Variants in DLGAP2 observed in about 807,000 individuals in gnomAD.
The protein encoded by DLGAP2 is DLG associated protein 2.
DLGAP2 carries 26 observed loss-of-function variants against 100.3 expected under a neutral mutation model. The ratio of observed to expected loss-of-function variants is 0.26; its 90% CI spans 0.19 to 0.36. The LOEUF (loss-of-function observed/expected upper bound fraction) is 0.36, where lower values mean the gene tolerates loss of function less well. DLGAP2 is among the 10% of genes least tolerant of loss of function. The pLI is 1.00. For synonymous variants in DLGAP2, 886 were observed against 630.1 expected (o/e 1.41, Z -6.08); for missense variants, 1,858 against 1,453.2 (o/e 1.28, Z -4.53).
intron 4 of DLGAP2, among the ~76,000 whole-genome samples, chr8:1,536,184 G>A (rs1001091535): frequency 6.6e-6 from 1 of 152,134 alleles, no homozygotes; most frequent in African/African-American, 2.4e-5. Context: ...AGAAGCCAGG[G>A]CACCGTGGTT....
chr8:1,356,196 G>A (rs1801846681), intron 3 of DLGAP2, among the ~76,000 whole-genome samples: 1 of 152,182 alleles, frequency 6.6e-6, no homozygotes, highest in African/African-American at 2.4e-5. Context: ...TGGCCCCCTG[G>A]AGAGGCTCCC....
At chr8:1,371,083 C>G (rs1267171556) in intron 3 of DLGAP2, among the ~76,000 whole-genome samples, 3 of 152,212 alleles carry the variant, frequency 2.0e-5, no homozygotes, top group Non-Finnish European at 4.4e-5. Flanking sequence ...GAGGCACTGT[C>G]ATTGCTTTTA....
intron 1 of DLGAP2, among the ~76,000 whole-genome samples, chr8:769,941 C>T (rs1821314736): frequency 6.8e-6 from 1 of 147,708 alleles, no homozygotes; most frequent in African/African-American, 2.5e-5. Flanking sequence ...GTCATGCCGA[C>T]CCCAGAGTCA....
intron 3 of DLGAP2, among the ~76,000 whole-genome samples, chr8:1,360,967 A>T (rs958293304): frequency 9.2e-5 from 14 of 152,128 alleles, no homozygotes; most frequent in Non-Finnish European, 1.9e-4. Context: ...TCTAAAAGGG[A>T]AGTGGGTGAT....
chr8:888,165 C>G (rs369790904), intron 1 of DLGAP2, among the ~76,000 whole-genome samples: 80 of 152,290 alleles, frequency 5.3e-4, no homozygotes, highest in African/African-American at 1.9e-3. Flanking sequence ...CTCTCTTCCA[C>G]TTGGTCAATT....
At chr8:1,452,771 C>G (rs1016451889) in intron 3 of DLGAP2, among the ~76,000 whole-genome samples, 3 of 152,214 alleles carry the variant, frequency 2.0e-5, no homozygotes, top group East Asian at 1.9e-4. Flanking sequence ...GTTTCCCAGA[C>G]CAGCATCTCT....
chr8:1,549,435 C>T lies in DLGAP2; in HGVS notation c.982C>T (p.Pro328Ser), dbSNP rs374477954. The T allele has an allele frequency of 6.2e-7, 1 of 1,613,482 alleles. No homozygotes were observed. The highest frequency in any genetic ancestry group is 8.5e-7 in the Non-Finnish European group (1 of 1,179,782). The change falls in exon 5 of 15, where the codon CCC becomes TCC. Residue 328 changes from proline (P) to serine (S), a missense_variant. Transcript: ENST00000637795. Reference sequence around the variant, plus strand: ...CCTGGGCCCCGTGGCCCACTGCTACCCCGACGCGCTGCAGAGCCCCTTCGG... The same window carrying T: ...CCTGGGCCCCGTGGCCCACTGCTACTCCGACGCGCTGCAGAGCCCCTTCGG... The part of the protein sequence containing the change: ...HHLGPVAHCY[P>S]DALQSPFGDL...
intron 1 of DLGAP2, among the ~76,000 whole-genome samples, chr8:840,813 C>T (rs73181049): frequency 0.029 from 4,343 of 148,322 alleles, 135 homozygotes; most frequent in Non-Finnish European, 0.042. Context: ...CCCACACTCT[C>T]GATTCTGTGA....
intron 3 of DLGAP2, among the ~76,000 whole-genome samples, chr8:1,364,635 C>G (rs1285930687): frequency 1.3e-5 from 2 of 152,264 alleles, no homozygotes; most frequent in African/African-American, 4.8e-5. Flanking sequence ...GTCAGTGACA[C>G]AGATGCATTG....
intron 3 of DLGAP2, among the ~76,000 whole-genome samples, chr8:1,374,069 C>T (rs75161437): frequency 1.5e-5 from 2 of 136,588 alleles, no homozygotes; most frequent in South Asian, 6.1e-4. Context: ...GGTTTGCAGA[C>T]GGCTGTGTGG....
chr8:1,482,268 C>T (rs376222843), intron 3 of DLGAP2, among the ~76,000 whole-genome samples: 1 of 152,192 alleles, frequency 6.6e-6, no homozygotes, highest in Admixed American at 6.5e-5. Flanking sequence ...ACGTGGAAAG[C>T]CGTTTGATCT....
intron 3 of DLGAP2, among the ~76,000 whole-genome samples, chr8:1,376,052 TCC>T (rs1802378220): frequency 2.9e-5 from 3 of 104,914 alleles, no homozygotes; most frequent in African/African-American, 1.1e-4. Context: ...ACGACACCTC[TCC>T]ACGGCCTCAG....
At chr8:789,216 T>C (rs555108923) in intron 1 of DLGAP2, among the ~76,000 whole-genome samples, 17 of 152,310 alleles carry the variant, frequency 1.1e-4, no homozygotes, top group African/African-American at 3.1e-4. Context: ...AACTGGGCAA[T>C]TTATGAAGAA....
chr8:1,182,244 G>T (rs993326116), intron 2 of DLGAP2, among the ~76,000 whole-genome samples: 1 of 152,214 alleles, frequency 6.6e-6, no homozygotes, highest in African/African-American at 2.4e-5. Context: ...GCTTGGGGGC[G>T]ACTGCCATGT....
intron 3 of DLGAP2, among the ~76,000 whole-genome samples, chr8:1,316,588 CG>C (rs1216648221): frequency 7.1e-6 from 1 of 140,874 alleles, no homozygotes; most frequent in Non-Finnish European, 1.5e-5. Flanking sequence ...GGTCTACACT[CG>C]AGACACTCGG....
chr8:1,378,891 A>T (rs1796027778), intron 3 of DLGAP2, among the ~76,000 whole-genome samples: 1 of 152,066 alleles, frequency 6.6e-6, no homozygotes, highest in South Asian at 2.1e-4. Flanking sequence ...TTCAACACTC[A>T]TGCTTCCCTG....
At chr8:1,496,791 C>T (rs1213274387) in intron 3 of DLGAP2, among the ~76,000 whole-genome samples, 3 of 152,114 alleles carry the variant, frequency 2.0e-5, no homozygotes, top group East Asian at 1.9e-4. Flanking sequence ...CCCGAGGCAC[C>T]GCACACGCCA....
At chr8:1,481,481 T>TTC (rs1554480842) in intron 3 of DLGAP2, among the ~76,000 whole-genome samples, 1 of 136,344 alleles carries the variant, frequency 7.3e-6, no homozygotes, top group Non-Finnish European at 1.6e-5. Context: ...CTTTTTTTTT[T>TTC]TTTTTTTTTT....
At chr8:1,257,842 C>G (rs1193917634) in intron 2 of DLGAP2, among the ~76,000 whole-genome samples, 1 of 152,246 alleles carries the variant, frequency 6.6e-6, no homozygotes, top group Non-Finnish European at 1.5e-5. Flanking sequence ...CTCTCCCACC[C>G]TTGTGGGCTC....
Sources: allele counts gnomAD v4.1 joint callset (sites outside exome capture counted in the v4.1 genomes callset), GRCh38; gene constraint gnomAD v4.1.1; transcripts MANE v1.5; gene names NCBI Gene and HGNC (gene_info 2026-07-23, HGNC 2026-07-21).